Variants in MADD observed in about 807,000 individuals in gnomAD.
The protein encoded by MADD is MAP kinase activating death domain.
A neutral mutation model predicts 176.7 loss-of-function variants in MADD; 109 were observed. The ratio of observed to expected loss-of-function variants is 0.62; its 90% CI spans 0.53 to 0.72. The LOEUF (loss-of-function observed/expected upper bound fraction) is 0.72, where lower values mean the gene tolerates loss of function less well. Among genes scored for constraint, MADD ranks in the 30% least tolerant of loss-of-function variants. The pLI, the probability that MADD is intolerant of heterozygous loss-of-function variation, is 0.00. For synonymous variants in MADD, 771 were observed against 771.3 expected (o/e 1.00, Z 0.01); for missense variants, 1,914 against 2,045.5 (o/e 0.94, Z 1.24).
intron 1 of MADD, 21 bp from the exon 2 acceptor site, chr11:47,273,806 C>G: frequency 1.1e-6 from 1 of 885,076 alleles, no homozygotes; most frequent in South Asian, 1.4e-5. Context: ...TGGATCTTAT[C>G]AGTACTTTTT....
At chr11:47,323,255 A>T (rs925290555) in intron 27 of MADD, among the ~76,000 whole-genome samples, 4 of 147,048 alleles carry the variant, frequency 2.7e-5, no homozygotes, top group Non-Finnish European at 1.5e-5. Context: ...AAAAAAAAAA[A>T]TTATAGCCAA....
intron 31 of MADD, 194 bp downstream of exon 35, chr11:47,327,001 C>T (rs754566852): frequency 1.4e-5 from 19 of 1,341,082 alleles, no homozygotes; most frequent in Middle Eastern, 2.7e-4. Context: ...GATAATGGAT[C>T]GCAGAAGAGC....
At chr11:47,296,761 G>GTTT (rs1386329077) in intron 22 of MADD, among the ~76,000 whole-genome samples, 1 of 116,106 alleles carries the variant, frequency 8.6e-6, no homozygotes, top group Non-Finnish European at 1.8e-5. Context: ...TCTGTTTTTT[G>GTTT]TTGTTTTTTT....
intron 3 of MADD, among the ~76,000 whole-genome samples, chr11:47,275,466 A>G (rs1268219629): frequency 6.6e-6 from 1 of 152,036 alleles, no homozygotes; most frequent in African/African-American, 2.4e-5. Context: ...TAATTTTGGT[A>G]TTTTTGTAGA....
chr11:47,289,967 G>A (rs776472447), exon 17 of MADD: 3 of 1,614,098 alleles, frequency 1.9e-6, no homozygotes, highest in Non-Finnish European at 2.5e-6. Flanking sequence ...GCTGGAGAGC[G>A]AGCAGCTGCG....
chr11:47,319,351 T>G (rs2093933736), intron 27 of MADD, among the ~76,000 whole-genome samples: 2 of 152,006 alleles, frequency 1.3e-5, no homozygotes, highest in African/African-American at 2.4e-5. Context: ...CAGGATGGTC[T>G]TGAACTCCTG....
intron 25 of MADD, among the ~76,000 whole-genome samples, 164 bp downstream of exon 28, chr11:47,309,776 C>G (rs2086526390): frequency 6.6e-6 from 1 of 152,036 alleles, no homozygotes. Context: ...ACAAATGTTC[C>G]ATTTATCTGA....
chr11:47,308,505 T>G, intron 22 of MADD, 86 bp from the exon 25 acceptor site: 44 of 879,496 alleles, frequency 5.0e-5, no homozygotes, highest in Non-Finnish European at 7.3e-5. Flanking sequence ...GTGACTGGTG[T>G]GAGAGCCTCT....
At chr11:47,284,898 AT>A (rs914464478) in intron 12 of MADD, 42 bp from the exon 13 acceptor site, 2 of 1,608,446 alleles carry the variant, frequency 1.2e-6, no homozygotes, top group African/African-American at 2.7e-5. Context: ...GGAAGGTACC[AT>A]TGGGCACCAG....
At chr11:47,323,354 C>CA (rs1462728162) in intron 27 of MADD, among the ~76,000 whole-genome samples, 3 of 150,702 alleles carry the variant, frequency 2.0e-5, no homozygotes, top group Non-Finnish European at 2.9e-5. Context: ...GCTGAGATGG[C>CA]GCCACTGCAG....
At chr11:47,281,595 C>T (rs1440823612) in exon 8 of MADD, 5 of 1,611,412 alleles carry the variant, frequency 3.1e-6, no homozygotes, top group Admixed American at 1.7e-5. Context: ...GCATGAGTCT[C>T]AACACCCAGC....
Position 47,325,776 on chromosome 11 carries a change from C to T in MADD, c.4543-962C>T, listed in dbSNP as rs1243815691. On this transcript the variant is annotated intron_variant, in intron 30 of 32. Coordinates refer to ENST00000402192, the Ensembl canonical transcript of MADD. This position sits in a 1 kb window ranked among gnomAD's most constrained non-coding sequence, Gnocchi z 4.5. ...CTGAAGATGAGATCTTGCTGAGCAA[C>T]GCCCAGGTGCTCTGCCCTGTTCCTC... is the stretch of plus-strand genomic sequence containing the variant. Among the ~76,000 whole-genome samples the T allele has an allele frequency of 2.0e-5, 3 of 152,240 alleles. No homozygotes were observed. Among genetic ancestry groups the T allele is most frequent in the Non-Finnish European group, 4.4e-5 (3 of 68,048 alleles).
chr11:47,321,145 A>C (rs760198828), intron 27 of MADD, among the ~76,000 whole-genome samples: 1 of 152,216 alleles, frequency 6.6e-6, no homozygotes, highest in Non-Finnish European at 1.5e-5. Context: ...GTATATTACA[A>C]GCATTTCTCT....
chr11:47,325,884 A>G lies in MADD; in HGVS notation c.4543-854A>G, dbSNP rs556974588. On this transcript the variant is annotated intron_variant, in intron 30 of 32. Coordinates refer to ENST00000402192, the Ensembl canonical transcript of MADD. The surrounding 1 kb of genome is among the most constrained non-coding windows in gnomAD (Gnocchi z 4.5). ...GCTTGGCCCCTAGAAGATAGACTGC[A>G]GAGAAGGGGAGGAAAGCCCGGGTTC... Among the ~76,000 whole-genome samples the G allele has an allele frequency of 5.3e-5, 8 of 152,356 alleles. No homozygotes were observed. The highest frequency in any genetic ancestry group is 2.0e-4 in the Admixed American group (3 of 15,306).
At chr11:47,315,421 A>C in intron 27 of MADD, 94 bp downstream of exon 30, 30 of 673,476 alleles carry the variant, frequency 4.5e-5, no homozygotes, top group Non-Finnish European at 6.4e-5. Flanking sequence ...CATTTATCTC[A>C]TTCATCTTCA....
At chr11:47,309,037 C>G (rs757707108) in intron 23 of MADD, 1 of 1,614,058 alleles carries the variant, frequency 6.2e-7, no homozygotes, top group South Asian at 1.1e-5. Context: ...GAGACCTTTT[C>G]TATAAGTAAC....
At chr11:47,283,625 G>A (rs10838685) in intron 10 of MADD, among the ~76,000 whole-genome samples, 40,316 of 151,998 alleles carry the variant, frequency 0.27, 6,407 homozygotes, top group East Asian at 0.6. Flanking sequence ...AGGCTAGAGC[G>A]CAGTGGCGTG....
intron 1 of MADD, chr11:47,271,929 G>A (rs2136065467): frequency 6.6e-6 from 1 of 152,188 alleles, no homozygotes; most frequent in East Asian, 1.9e-4. Flanking sequence ...GAGAACCAAG[G>A]GACTATTTGG....
intron 15 of MADD, 43 bp from the exon 16 acceptor site, chr11:47,288,925 C>A: frequency 7.1e-7 from 1 of 1,403,516 alleles, no homozygotes; most frequent in Non-Finnish European, 9.9e-7. Context: ...AGAGGGGTTG[C>A]GGTATTGTGG....
Sources: gnomAD v4.1 joint callset for allele counts (sites outside exome capture counted in the v4.1 genomes callset) on GRCh38, gnomAD v4.1.1 for gene constraint, Gnocchi (gnomAD v3.1) non-coding constraint, MANE v1.5 for transcripts, NCBI Gene and HGNC (gene_info 2026-07-23, HGNC 2026-07-21) for gene names.